SNX29: variants seen among roughly 807,000 people sequenced by gnomAD.
SNX29 encodes the protein sorting nexin 29.
In SNX29, 78 loss-of-function variants were observed where a neutral mutation model predicts 102.1. That is an observed-to-expected ratio of 0.76 (90% CI 0.64 to 0.92). The LOEUF (loss-of-function observed/expected upper bound fraction) is 0.92. Ranked by LOEUF, SNX29 falls within the 40% of genes least tolerant of loss-of-function variation. SNX29 has a pLI of 0.00. For synonymous variants in SNX29, 580 were observed against 414.5 expected, an observed-to-expected ratio of 1.40 and a Z score of -4.85; for missense variants, 1,280 against 1,061.7, an observed-to-expected ratio of 1.21 and a Z score of -2.86.
At chr16:12,261,896 G>A (rs1248803455) in intron 14 of SNX29, among the ~76,000 whole-genome samples, 5 of 147,246 alleles carry the variant, frequency 3.4e-5, no homozygotes, top group African/African-American at 1.3e-4. Flanking sequence ...TCGGGTCTGT[G>A]CATGCGTCCC....
At chr16:12,387,148 G>C (rs185306720) in intron 16 of SNX29, among the ~76,000 whole-genome samples, 2 of 151,980 alleles carry the variant, frequency 1.3e-5, no homozygotes, top group African/African-American at 4.8e-5. Flanking sequence ...AAAAAAAAGA[G>C]AGAGCCACAC....
intron 14 of SNX29, among the ~76,000 whole-genome samples, chr16:12,259,443 G>A (rs2078669305): frequency 6.6e-6 from 1 of 152,076 alleles, no homozygotes; most frequent in South Asian, 2.1e-4. Flanking sequence ...AGTTCTGCTG[G>A]GTGAGGGGGA....
At chr16:12,286,990 C>G (rs534510061) in intron 15 of SNX29, among the ~76,000 whole-genome samples, 1 of 152,164 alleles carries the variant, frequency 6.6e-6, no homozygotes. Context: ...GTTGGAGTAT[C>G]AGGGAGAGGA....
At chr16:12,157,325 A>G (rs898168795) in intron 13 of SNX29, among the ~76,000 whole-genome samples, 1 of 152,106 alleles carries the variant, frequency 6.6e-6, no homozygotes, top group African/African-American at 2.4e-5. Flanking sequence ...GGCAGACCTC[A>G]TGGTTATGGA....
intron 20 of SNX29, among the ~76,000 whole-genome samples, chr16:12,550,864 C>T (rs772315952): frequency 1.3e-5 from 2 of 152,200 alleles, no homozygotes; most frequent in African/African-American, 4.8e-5. Context: ...TCATGATAGA[C>T]TTTCTGGGAG....
chr16:12,108,959 C>G (rs1441740669), intron 11 of SNX29, among the ~76,000 whole-genome samples: 1 of 151,634 alleles, frequency 6.6e-6, no homozygotes, highest in Non-Finnish European at 1.5e-5. Context: ...AAAATCCCGT[C>G]TCTACTAAAA....
At chr16:12,350,335 A>G (rs1567466143) in intron 15 of SNX29, among the ~76,000 whole-genome samples, 1 of 152,248 alleles carries the variant, frequency 6.6e-6, no homozygotes, top group Non-Finnish European at 1.5e-5. Flanking sequence ...TTATTTACAT[A>G]GCACTTACAT....
At chr16:12,531,036 G>A (rs1017567630) in intron 20 of SNX29, among the ~76,000 whole-genome samples, 1 of 152,366 alleles carries the variant, frequency 6.6e-6, no homozygotes, top group Non-Finnish European at 1.5e-5. Context: ...GGCAGGTAGA[G>A]CTACAGGCTT....
intron 20 of SNX29, among the ~76,000 whole-genome samples, chr16:12,551,567 C>T (rs1008806300): frequency 1.3e-5 from 2 of 152,120 alleles, no homozygotes; most frequent in African/African-American, 4.8e-5. Context: ...GTTGAGAAGC[C>T]CTGCTTTCAA....
intron 18 of SNX29, among the ~76,000 whole-genome samples, chr16:12,442,578 T>C (rs1243210792): frequency 6.6e-6 from 1 of 151,322 alleles, no homozygotes; most frequent in Non-Finnish European, 1.5e-5. Flanking sequence ...GATGTGACTG[T>C]GTGTTTTTTT....
chr16:12,461,234 C>G (rs1217524123), intron 18 of SNX29, among the ~76,000 whole-genome samples: 1 of 152,156 alleles, frequency 6.6e-6, no homozygotes, highest in Non-Finnish European at 1.5e-5. Context: ...CTCAGTATCT[C>G]TCCTTGGAGC....
Position 12,570,520 on chromosome 16 carries a change from G to A in SNX29, c.*1891G>A, listed in dbSNP as rs530518613. The A allele has an allele frequency of 2.0e-4, 47 of 232,488 alleles. No homozygotes were observed. Among genetic ancestry groups the A allele is most frequent in the East Asian group, 1.9e-3 (31 of 16,490 alleles). 14.4% of individuals were successfully genotyped at this position (232,488 alleles called of 1,614,324 possible). On this transcript the variant is annotated 3_prime_UTR_variant, in exon 21 of 21. Coordinates refer to ENST00000566228, the MANE Select transcript of SNX29 (RefSeq NM_032167.5). ...CCTTAGGTTGGGTTTATGCCACATC[G>A]GTCATTTTGAAGTAGGTGTTTGATG...
At chr16:12,266,161 GCGATCCTCCCGC>G (rs540798190) in intron 14 of SNX29, among the ~76,000 whole-genome samples, 1 of 152,250 alleles carries the variant, frequency 6.6e-6, no homozygotes, top group South Asian at 2.1e-4. Context: ...CTGGGCTCAA[GCGATCCTCCCGC>G]CTCAGCCTCC....
intron 19 of SNX29, among the ~76,000 whole-genome samples, chr16:12,486,604 G>A (rs1322967357): frequency 2.0e-5 from 3 of 152,258 alleles, no homozygotes; most frequent in African/African-American, 7.2e-5. Context: ...TGTGAGCACA[G>A]CCTATCCCAC....
chr16:12,558,663 C>G (rs905170986), intron 20 of SNX29, among the ~76,000 whole-genome samples: 30 of 152,232 alleles, frequency 2.0e-4, no homozygotes, highest in African/African-American at 7.0e-4. Flanking sequence ...CCACCCAATC[C>G]TGCTGGTCCT....
At chr16:12,062,224 C>T (rs1188181443) in intron 9 of SNX29, among the ~76,000 whole-genome samples, 1 of 151,728 alleles carries the variant, frequency 6.6e-6, no homozygotes, top group African/African-American at 2.4e-5. Context: ...ACTAAAAATA[C>T]AAAAATTAGC....
chr16:12,421,907 C>A (rs796779673), intron 18 of SNX29, among the ~76,000 whole-genome samples: 5 of 71,508 alleles, frequency 7.0e-5, no homozygotes, highest in South Asian at 6.5e-4. Flanking sequence ...ATCACCATCA[C>A]CAGCCGTCCA....
Position 12,399,622 on chromosome 16 carries a change from G to C in SNX29, c.1955+1121G>C, listed in dbSNP as rs192146093. ...TGGGCCTCACTTTCCTAATTTGTGA[G>C]GCGAAGGTCCTGATGCGAACCTTGC... On this transcript the variant is annotated intron_variant, in intron 17 of 20. Transcript: ENST00000566228. Among the ~76,000 whole-genome samples the C allele has an allele frequency of 2.6e-5, 4 of 152,308 alleles. No homozygotes were observed. The East Asian group carries it at 7.7e-4, about 29-fold the overall frequency.
chr16:12,326,343 C>CCCT, intron 15 of SNX29, among the ~76,000 whole-genome samples: 1 of 105,552 alleles, frequency 9.5e-6, no homozygotes, highest in Non-Finnish European at 2.1e-5. Flanking sequence ...TTTTTTTTTT[C>CCCT]CCTGTCCAGG....
Sources: allele counts gnomAD v4.1 joint callset (sites outside exome capture counted in the v4.1 genomes callset), GRCh38; gene constraint gnomAD v4.1.1; transcripts MANE v1.5; gene names NCBI Gene and HGNC (gene_info 2026-07-23, HGNC 2026-07-21).